Variants in UMAD1 observed in about 807,000 individuals in gnomAD.
The protein encoded by UMAD1 is UBAP1-MVB12-associated (UMA)-domain containing protein 1.
A neutral mutation model predicts 6.1 loss-of-function variants in UMAD1; 8 were observed. The observed-to-expected ratio is 1.30, with a 90% confidence interval of 0.76 to 2.35. UMAD1 has a LOEUF of 2.35. Ranked by LOEUF, UMAD1 falls within the 30% of genes most tolerant of loss-of-function variation. The probability of loss-of-function intolerance (pLI) is 0.00; values close to 1 mark genes in which losing one functional copy is unlikely to be tolerated. For synonymous variants in UMAD1, 56 were observed against 31.4 expected (o/e 1.78, Z -2.61); for missense variants, 130 against 78.4 (o/e 1.66, Z -2.49).
At chr7:7,843,428 G>A (rs1783720907) in intron 3 of UMAD1, among the ~76,000 whole-genome samples, 1 of 152,178 alleles carries the variant, frequency 6.6e-6, no homozygotes, top group South Asian at 2.1e-4. Flanking sequence ...TTAGAGTACT[G>A]TTCTTCCGAT....
chr7:7,687,699 C>T (rs770973794), intron 2 of UMAD1, among the ~76,000 whole-genome samples: 8 of 152,132 alleles, frequency 5.3e-5, no homozygotes, highest in South Asian at 2.1e-4. Flanking sequence ...TTCCTACAAC[C>T]GGTATTTCCA....
At chr7:7,827,871 G>A (rs1312417592) in intron 3 of UMAD1, among the ~76,000 whole-genome samples, 2 of 152,128 alleles carry the variant, frequency 1.3e-5, no homozygotes, top group African/African-American at 4.8e-5. Flanking sequence ...TGTACATGAA[G>A]TTGGAAATAT....
intron 3 of UMAD1, among the ~76,000 whole-genome samples, chr7:7,802,104 G>T (rs915474658): frequency 6.6e-6 from 1 of 152,244 alleles, no homozygotes; most frequent in Non-Finnish European, 1.5e-5. Flanking sequence ...ATTCAGCCGG[G>T]CACAGTGGCT....
intron 2 of UMAD1, among the ~76,000 whole-genome samples, chr7:7,800,758 T>C (rs1782783408): frequency 6.6e-6 from 1 of 152,230 alleles, no homozygotes; most frequent in Admixed American, 6.5e-5. Flanking sequence ...ATTTTCATAC[T>C]TTATCTCCAG....
At chr7:7,681,921 A>G in intron 2 of UMAD1, among the ~76,000 whole-genome samples, 1 of 152,214 alleles carries the variant, frequency 6.6e-6, no homozygotes, top group East Asian at 1.9e-4. Context: ...AGCATGAATT[A>G]GCTTATTATG....
intron 2 of UMAD1, among the ~76,000 whole-genome samples, chr7:7,716,291 A>C (rs1215921642): frequency 6.6e-6 from 1 of 152,220 alleles, no homozygotes; most frequent in Non-Finnish European, 1.5e-5. Context: ...GCCAAGAAAA[A>C]TTGTATTTAT....
At chr7:7,778,266 G>C (rs1056105612) in intron 2 of UMAD1, among the ~76,000 whole-genome samples, 2 of 135,656 alleles carry the variant, frequency 1.5e-5, no homozygotes, top group South Asian at 4.8e-4. Flanking sequence ...GTGTGTGTGT[G>C]TGTGTGTGTG....
At chr7:7,833,895 C>A (rs569839866) in intron 3 of UMAD1, among the ~76,000 whole-genome samples, 1 of 152,208 alleles carries the variant, frequency 6.6e-6, no homozygotes, top group East Asian at 1.9e-4. Flanking sequence ...AAGTCTGCTT[C>A]CCATCTTATT....
chr7:7,656,130 T>C (rs191843865), intron 1 of UMAD1, among the ~76,000 whole-genome samples: 165 of 152,100 alleles, frequency 1.1e-3, no homozygotes, highest in African/African-American at 3.6e-3. Flanking sequence ...CCACTGCGCC[T>C]GGCCAGGACA....
intron 3 of UMAD1, among the ~76,000 whole-genome samples, chr7:7,825,903 A>C: frequency 6.6e-6 from 1 of 152,142 alleles, no homozygotes; most frequent in African/African-American, 2.4e-5. Context: ...CTCAGGTATA[A>C]AATGGGCACA....
intron 2 of UMAD1, among the ~76,000 whole-genome samples, chr7:7,693,305 A>ATCTATCTG (rs1554315963): frequency 6.6e-6 from 1 of 151,860 alleles, no homozygotes; most frequent in South Asian, 2.1e-4. Flanking sequence ...TTATCTATCT[A>ATCTATCTG]TCTATCTATC....
chr7:7,855,493 A>T (rs1783998258), intron 3 of UMAD1, among the ~76,000 whole-genome samples: 1 of 152,244 alleles, frequency 6.6e-6, no homozygotes, highest in African/African-American at 2.4e-5. Context: ...CCTCTGAAGG[A>T]ACGGCCTGAG....
At chr7:7,685,836 A>T (rs1264986899) in intron 2 of UMAD1, 1 of 152,226 alleles carries the variant, frequency 6.6e-6, no homozygotes, top group Non-Finnish European at 1.5e-5. Flanking sequence ...TTACCTTGGA[A>T]GAATAGTATC....
At chr7:7,720,627 C>G (rs1781028505) in intron 2 of UMAD1, among the ~76,000 whole-genome samples, 1 of 152,006 alleles carries the variant, frequency 6.6e-6, no homozygotes. Flanking sequence ...TATAAAAAGA[C>G]TTTTTGAGAA....
chr7:7,717,524 G>A (rs1348290129), intron 2 of UMAD1, among the ~76,000 whole-genome samples: 1 of 152,160 alleles, frequency 6.6e-6, no homozygotes, highest in African/African-American at 2.4e-5. Context: ...TTGTTTTGAA[G>A]TAAAATGTTT....
At chr7:7,644,672 A>G (rs1785056401) in intron 1 of UMAD1, among the ~76,000 whole-genome samples, 3 of 152,112 alleles carry the variant, frequency 2.0e-5, no homozygotes, top group African/African-American at 7.2e-5. Flanking sequence ...GTTTACAGAT[A>G]TGTGTGGAGT....
intron 2 of UMAD1, among the ~76,000 whole-genome samples, chr7:7,698,307 A>C (rs1308408489): frequency 6.6e-6 from 1 of 152,234 alleles, no homozygotes; most frequent in African/African-American, 2.4e-5. Context: ...TAACTAGAGA[A>C]AATTTTTTTA....
At chr7:7,645,458 G>T (rs1303451929) in intron 1 of UMAD1, among the ~76,000 whole-genome samples, 1 of 152,120 alleles carries the variant, frequency 6.6e-6, no homozygotes, top group Non-Finnish European at 1.5e-5. Context: ...CCATATTTAT[G>T]GTTATCTCAT....
chr7:7,678,403 G>T (rs1779803443), intron 2 of UMAD1, among the ~76,000 whole-genome samples: 2 of 141,042 alleles, frequency 1.4e-5, no homozygotes, highest in South Asian at 2.2e-4. Context: ...TAGCTATTCA[G>T]ATATATAAAA....
Sources: gnomAD v4.1 joint callset for allele counts (sites outside exome capture counted in the v4.1 genomes callset) on GRCh38, gnomAD v4.1.1 for gene constraint, MANE v1.5 for transcripts, NCBI Gene and HGNC (gene_info 2026-07-23, HGNC 2026-07-21) for gene names.